The following SCAPER variants were observed in gnomAD, a reference collection of about 807,000 sequenced individuals.
SCAPER encodes the protein S-phase cyclin A associated protein in the ER.
Under a neutral mutation model 182.2 loss-of-function variants are expected in SCAPER, and 98 were observed. The observed-to-expected ratio is 0.54, with a 90% confidence interval of 0.46 to 0.64. The LOEUF (loss-of-function observed/expected upper bound fraction) is 0.64, where lower values mean the gene tolerates loss of function less well. Among genes scored for constraint, SCAPER ranks in the 30% least tolerant of loss-of-function variants. The pLI, the probability that SCAPER is intolerant of heterozygous loss-of-function variation, is 0.00. For synonymous variants in SCAPER, 605 were observed against 564.6 expected, an observed-to-expected ratio of 1.07 and a Z score of -1.01; for missense variants, 1,432 against 1,690.0, an observed-to-expected ratio of 0.85 and a Z score of 2.68.
Position 76,356,144 on chromosome 15 carries a change from A to G in SCAPER, c.3856-2004T>C, listed in dbSNP as rs535777863. Among the ~76,000 whole-genome samples, 4 of 152,296 alleles carry G rather than the reference A, an allele frequency of 2.6e-5. No homozygotes were observed. In the South Asian group the frequency reaches 8.3e-4, roughly 32 times the overall value. ...ACCACATTTTAGACATTGTGGAGAC[A>G]GGATCAGGAGGTTCAGGAAGGGGCC... On this transcript the variant is annotated intron_variant, in intron 29 of 31. Coordinates refer to ENST00000563290, the MANE Select transcript of SCAPER (RefSeq NM_020843.4).
chr15:76,525,645 T>C (rs2144404494), intron 23 of SCAPER, among the ~76,000 whole-genome samples: 1 of 152,316 alleles, frequency 6.6e-6, no homozygotes, highest in South Asian at 2.1e-4. Flanking sequence ...CTGCATTAGT[T>C]TGCTCAGGAT....
intron 25 of SCAPER, among the ~76,000 whole-genome samples, chr15:76,455,523 G>A (rs1278016178): frequency 2.6e-5 from 4 of 152,144 alleles, no homozygotes; most frequent in Admixed American, 2.0e-4. Flanking sequence ...CTGGAAAGCA[G>A]TGGCTATTCA....
intron 25 of SCAPER, 112 bp downstream of exon 25, chr15:76,471,100 T>G: frequency 2.3e-6 from 1 of 436,362 alleles, no homozygotes; most frequent in Non-Finnish European, 3.3e-6. Flanking sequence ...TTCTTCTTCT[T>G]TTTTTTTTTT....
intron 2 of SCAPER, among the ~76,000 whole-genome samples, chr15:76,863,189 T>C (rs541360553): frequency 1.6e-4 from 24 of 152,276 alleles, no homozygotes; most frequent in Middle Eastern, 3.4e-3. Flanking sequence ...TCCAGTAAAA[T>C]AAAGGAAATT....
chr15:76,803,088 A>G (rs1327956494), intron 6 of SCAPER, among the ~76,000 whole-genome samples: 3 of 152,036 alleles, frequency 2.0e-5, no homozygotes, highest in African/African-American at 4.8e-5. Flanking sequence ...TCACTTCCCT[A>G]CTTTAAAACC....
intron 25 of SCAPER, among the ~76,000 whole-genome samples, chr15:76,465,586 T>G (rs1373953885): frequency 1.3e-5 from 2 of 152,184 alleles, no homozygotes; most frequent in Non-Finnish European, 2.9e-5. Context: ...GTAATCTCAT[T>G]TATCTATTTT....
At chr15:76,510,888 T>TGTGTGTGTGTGTGTGTGC (rs1491205462) in intron 23 of SCAPER, among the ~76,000 whole-genome samples, 1 of 141,088 alleles carries the variant, frequency 7.1e-6, no homozygotes, top group African/African-American at 2.6e-5. Flanking sequence ...TGTGTGTGTG[T>TGTGTGTGTGTGTGTGTGC]GCGCGCGCGC....
chr15:76,535,333 C>T (rs1433683250), intron 23 of SCAPER, among the ~76,000 whole-genome samples: 3 of 151,526 alleles, frequency 2.0e-5, no homozygotes, highest in Non-Finnish European at 4.4e-5. Context: ...ACCATCCTGG[C>T]TAACACGGTG....
chr15:76,705,795 G>A (rs1183207880), intron 18 of SCAPER, 108 bp downstream of exon 18: 3 of 717,372 alleles, frequency 4.2e-6, no homozygotes, highest in Middle Eastern at 3.9e-4. Context: ...GCTTTGTTGT[G>A]CAAAGATTAA....
intron 23 of SCAPER, among the ~76,000 whole-genome samples, chr15:76,509,370 C>A (rs1285037081): frequency 6.6e-6 from 1 of 152,154 alleles, no homozygotes; most frequent in Non-Finnish European, 1.5e-5. Context: ...ATGTCAGGAC[C>A]ATGTCTAGTT....
At chr15:76,537,791 A>G (rs989220095) in intron 23 of SCAPER, among the ~76,000 whole-genome samples, 3 of 152,176 alleles carry the variant, frequency 2.0e-5, no homozygotes, top group Admixed American at 1.3e-4. Context: ...AACCTACAAA[A>G]TGGGAGAAAA....
chr15:76,725,432 A>T (rs1294245519), intron 17 of SCAPER, among the ~76,000 whole-genome samples: 1 of 149,046 alleles, frequency 6.7e-6, no homozygotes, highest in Non-Finnish European at 1.5e-5. Context: ...AAAAAAAGCC[A>T]TACTTCCCAA....
intron 23 of SCAPER, among the ~76,000 whole-genome samples, chr15:76,572,171 T>C (rs1265977573): frequency 1.3e-5 from 2 of 152,210 alleles, no homozygotes; most frequent in African/African-American, 4.8e-5. Context: ...CTGAATACTT[T>C]CTTATATAGA....
chr15:76,872,789 C>G (rs925709217), intron 2 of SCAPER, among the ~76,000 whole-genome samples: 59 of 151,176 alleles, frequency 3.9e-4, no homozygotes, highest in African/African-American at 1.4e-3. Context: ...TGAATACAAA[C>G]TATATGAAAG....
intron 15 of SCAPER, among the ~76,000 whole-genome samples, chr15:76,736,167 G>T (rs1175867950): frequency 6.6e-6 from 1 of 152,150 alleles, no homozygotes; most frequent in Non-Finnish European, 1.5e-5. Flanking sequence ...TATTAATTGT[G>T]CAACAGCATT....
Position 76,455,609 on chromosome 15 carries a change from G to A in SCAPER, c.3078+15603C>T, listed in dbSNP as rs191054409. ...TCTATCTCAGCCTTCTGAGAAGCTG[G>A]AATTATAGATGTACACCACCACACC... On this transcript the variant is annotated intron_variant, in intron 25 of 31. Coordinates refer to ENST00000563290, the MANE Select transcript of SCAPER (RefSeq NM_020843.4). 2.8e-3 allele frequency among the ~76,000 whole-genome samples: 429 copies of A among 152,040 alleles called. 1 individual carries two copies. Among genetic ancestry groups the A allele is most frequent in the Middle Eastern group, 6.8e-3 (2 of 294 alleles).
At chr15:76,553,187 C>T (rs895527109) in intron 23 of SCAPER, among the ~76,000 whole-genome samples, 2 of 152,206 alleles carry the variant, frequency 1.3e-5, no homozygotes, top group African/African-American at 4.8e-5. Context: ...CTCCTCTATC[C>T]AACCCAGCTG....
intron 29 of SCAPER, among the ~76,000 whole-genome samples, chr15:76,370,310 T>TG (rs1555414223): frequency 4.4e-5 from 6 of 137,274 alleles, no homozygotes; most frequent in African/African-American, 8.2e-5. Flanking sequence ...TTTTTTTTTT[T>TG]TTTTTTGTTT....
chr15:76,535,896 C>A (rs1182889145), intron 23 of SCAPER, among the ~76,000 whole-genome samples: 1 of 152,140 alleles, frequency 6.6e-6, no homozygotes, highest in African/African-American at 2.4e-5. Context: ...GAAGGTCTTC[C>A]AACTTTGTGG....
Sources: gnomAD v4.1 joint callset for allele counts (sites outside exome capture counted in the v4.1 genomes callset) on GRCh38, gnomAD v4.1.1 for gene constraint, MANE v1.5 for transcripts, NCBI Gene and HGNC (gene_info 2026-07-23, HGNC 2026-07-21) for gene names.